The following LIMCH1 variants were observed in gnomAD, a reference collection of about 807,000 sequenced individuals.
LIMCH1 encodes the protein LIM and calponin homology domains-containing protein 1.
LIMCH1 carries 113 observed loss-of-function variants against 176.5 expected under a neutral mutation model. The ratio of observed to expected loss-of-function variants is 0.64; its 90% CI spans 0.55 to 0.75. LIMCH1 has a LOEUF of 0.75. Ranked by LOEUF, LIMCH1 falls within the 30% of genes least tolerant of loss-of-function variation. The probability of loss-of-function intolerance (pLI) is 0.00; values close to 1 mark genes in which losing one functional copy is unlikely to be tolerated. For synonymous variants in LIMCH1, 619 were observed against 645.9 expected, an observed-to-expected ratio of 0.96 and a Z score of 0.63; for missense variants, 1,674 against 1,814.9, an observed-to-expected ratio of 0.92 and a Z score of 1.41.
Position 41,501,167 on chromosome 4 carries a change from A to G in LIMCH1, c.167+6561A>G, listed in dbSNP as rs1029631563. Among the ~76,000 whole-genome samples, 16 of 152,234 alleles carry G rather than the reference A, an allele frequency of 1.1e-4. 1 individual carries two copies. Among genetic ancestry groups the G allele is most frequent in the Admixed American group, 9.2e-4 (14 of 15,288 alleles). ...AACCCCTGAGAAAAGTACAGACCAC[A>G]CATGAGTTAGTTCTACAGGGAACCT... On this transcript the variant is annotated intron_variant, in intron 2 of 26. Transcript: ENST00000313860.
At position 41,694,040 on chromosome 4, in the gene LIMCH1, T is replaced by C. The variant is rs2153095155; in HGVS notation, c.4378+1656T>C. ...CAAGACCAGGAATTTTTCTCTTAAA[T>C]ATACAAATATAAAGGGCATTAACTG... is the stretch of plus-strand genomic sequence containing the variant. On this transcript the variant is annotated intron_variant, in intron 31 of 31. Transcript: ENST00000503057. 3.9e-5 allele frequency among the ~76,000 whole-genome samples: 6 copies of C among 152,302 alleles called. No homozygotes were observed. In the Middle Eastern group the frequency reaches 0.02, roughly 518 times the overall value.
intron 1 of LIMCH1, among the ~76,000 whole-genome samples, chr4:41,462,246 G>T (rs1315991022): frequency 2.0e-5 from 3 of 152,174 alleles, no homozygotes; most frequent in African/African-American, 4.8e-5. Context: ...TTTTCAAGTT[G>T]TTTGTGCTGG....
chr4:41,434,041 A>G (rs1185495004), intron 1 of LIMCH1, among the ~76,000 whole-genome samples: 3 of 151,986 alleles, frequency 2.0e-5, no homozygotes, highest in Non-Finnish European at 2.9e-5. Flanking sequence ...AAAGGGGTAC[A>G]CTTCCAAGTG....
At chr4:41,475,739 G>A (rs2067629315) in intron 1 of LIMCH1, among the ~76,000 whole-genome samples, 1 of 152,082 alleles carries the variant, frequency 6.6e-6, no homozygotes, top group Non-Finnish European at 1.5e-5. Context: ...GGGAGGGAGA[G>A]CATTAGGACA....
intron 18 of LIMCH1, among the ~76,000 whole-genome samples, chr4:41,660,265 A>C (rs12643596): frequency 1.3e-5 from 2 of 152,088 alleles, no homozygotes; most frequent in Non-Finnish European, 1.5e-5. Flanking sequence ...TCATTCCCCA[A>C]TTATTGGATA....
rs59275736 is a variant in LIMCH1, at chr4:41,531,474, TCACA to T, written c.237+7035_237+7038del. Among the ~76,000 whole-genome samples, 644 of 127,072 alleles carry T rather than the reference TCACA, an allele frequency of 5.1e-3. 4 individuals are homozygous for T. Among genetic ancestry groups the T allele is most frequent in the African/African-American group, 0.017 (514 of 30,016 alleles). The allele number at this position is 127,072 out of a possible 152,430, so 83.4% of individuals were successfully genotyped here. ...CTTTCTCTTCTACAGTCTTTCTCTG[TCACA>T]CACACACACACACACACACACACAC... is the stretch of plus-strand genomic sequence containing the variant. On this transcript the variant is annotated intron_variant, in intron 3 of 26. Coordinates refer to the LIMCH1 transcript ENST00000313860.
chr4:41,475,856 T>C (rs1192718104), intron 1 of LIMCH1, among the ~76,000 whole-genome samples: 1 of 152,210 alleles, frequency 6.6e-6, no homozygotes, highest in Non-Finnish European at 1.5e-5. Flanking sequence ...ATTCAGCACA[T>C]GTATCCCAGA....
intron 3 of LIMCH1, 42 bp from the exon 4 acceptor site, chr4:41,605,852 T>C: frequency 7.7e-7 from 1 of 1,291,806 alleles, no homozygotes; most frequent in Non-Finnish European, 1.1e-6. Flanking sequence ...TTAAACGTCA[T>C]TCTTGAGGGA....
intron 1 of LIMCH1, among the ~76,000 whole-genome samples, chr4:41,598,529 A>T (rs9999253): frequency 0.22 from 31,963 of 145,492 alleles, 3,888 homozygotes; most frequent in African/African-American, 0.36. Flanking sequence ...AAACCTTTTT[A>T]AAAAAAAAAG....
upstream of LIMCH1, among the ~76,000 whole-genome samples, chr4:41,535,557 C>T (rs2077821932): frequency 6.6e-6 from 1 of 152,076 alleles, no homozygotes; most frequent in African/African-American, 2.4e-5. Flanking sequence ...GATTAGGGCC[C>T]CCTCAGATGA....
intron 25 of LIMCH1, among the ~76,000 whole-genome samples, chr4:41,681,723 C>T (rs1716049750): frequency 1.3e-5 from 2 of 152,118 alleles, no homozygotes; most frequent in Admixed American, 6.5e-5. Context: ...GCTTAACACT[C>T]AGGTGATGGG....
intron 14 of LIMCH1, among the ~76,000 whole-genome samples, chr4:41,642,228 G>A (rs1316309910): frequency 6.6e-6 from 1 of 152,160 alleles, no homozygotes; most frequent in East Asian, 1.9e-4. Context: ...CCAGCTCAGA[G>A]AGGTTTAAGT....
intron 4 of LIMCH1, among the ~76,000 whole-genome samples, chr4:41,611,913 G>T (rs1016905064): frequency 1.4e-4 from 21 of 152,084 alleles, no homozygotes; most frequent in Non-Finnish European, 2.8e-4. Flanking sequence ...TCCTTTTTCA[G>T]TTAGTCAGGC....
chr4:41,575,764 T>C (rs1584353645), intron 1 of LIMCH1, among the ~76,000 whole-genome samples: 1 of 152,288 alleles, frequency 6.6e-6, no homozygotes, highest in South Asian at 2.1e-4. Context: ...GTAGTAGATA[T>C]TTGCCTCTTG....
chr4:41,379,948 A>C (rs1561183405), intron 1 of LIMCH1, among the ~76,000 whole-genome samples: 1 of 151,974 alleles, frequency 6.6e-6, no homozygotes, highest in Non-Finnish European at 1.5e-5. Flanking sequence ...ACAGGTGTGC[A>C]CTACCACACC....
At chr4:41,494,394 C>T (rs143299908) in intron 1 of LIMCH1, 14 of 553,372 alleles carry the variant, frequency 2.5e-5, no homozygotes, top group South Asian at 6.6e-5. Context: ...CATACATATA[C>T]GTACATACAC....
intron 14 of LIMCH1, among the ~76,000 whole-genome samples, chr4:41,639,202 G>A (rs553229986): frequency 6.6e-6 from 1 of 152,290 alleles, no homozygotes; most frequent in South Asian, 2.1e-4. Context: ...CTTAACATTT[G>A]CTTTCCATAG....
chr4:41,375,346 T>C (rs1274580727), intron 1 of LIMCH1, among the ~76,000 whole-genome samples: 1 of 152,122 alleles, frequency 6.6e-6, no homozygotes, highest in Non-Finnish European at 1.5e-5. Flanking sequence ...GCCCAACCCA[T>C]ACCTAATGGG....
intron 1 of LIMCH1, among the ~76,000 whole-genome samples, chr4:41,414,184 T>C (rs1019581763): frequency 6.6e-6 from 1 of 152,014 alleles, no homozygotes; most frequent in African/African-American, 2.4e-5. Context: ...GTGGACAACA[T>C]AGGACAATGA....
Sources: gnomAD v4.1 joint callset for allele counts (sites outside exome capture counted in the v4.1 genomes callset) on GRCh38, gnomAD v4.1.1 for gene constraint, MANE v1.5 for transcripts, NCBI Gene and HGNC (gene_info 2026-07-23, HGNC 2026-07-21) for gene names.